ATP6V1G3: variants seen among roughly 807,000 people sequenced by gnomAD.
ATP6V1G3 encodes the protein V-type proton ATPase subunit G 3.
Under a neutral mutation model 9.3 loss-of-function variants are expected in ATP6V1G3, and 9 were observed. The observed-to-expected ratio is 0.97, with a 90% confidence interval of 0.59 to 1.69. The LOEUF (loss-of-function observed/expected upper bound fraction) is 1.69. Among genes scored for constraint, ATP6V1G3 ranks in the 40% most tolerant of loss-of-function variants. The pLI, the probability that ATP6V1G3 is intolerant of heterozygous loss-of-function variation, is 0.00. For missense variants in ATP6V1G3, 133 were observed against 139.0 expected (o/e 0.96, Z 0.22); for synonymous variants, 43 against 43.8 (o/e 0.98, Z 0.07).
rs1369465257 is a variant in ATP6V1G3, at chr1:198,523,408, A to G, written c.340T>C (p.Tyr114His). Residue 114 changes from tyrosine to histidine, a missense_variant, in exon 3 of 3, where the codon TAC (tyrosine) becomes CAC (histidine). Coordinates refer to ENST00000367382, the MANE Select transcript of ATP6V1G3 (RefSeq NM_001376861.1). ...ATGTACATTTAGTTGGTGGCTCTGT[A>G]GTTCACATGGATTTCTGGTTTCATG... is the stretch of plus-strand genomic sequence containing the variant. Reference protein sequence around the residue: ...CDMKPEIHVNYRATN With the variant: ...CDMKPEIHVNHRATN 1 of 1,612,984 alleles carries G rather than the reference A, an allele frequency of 6.2e-7. No individual in the cohort carries two copies.
chr1:198,528,632 G>A (rs34212295), intron 2 of ATP6V1G3, among the ~76,000 whole-genome samples: 1 of 151,998 alleles, frequency 6.6e-6, no homozygotes, highest in Non-Finnish European at 1.5e-5. Flanking sequence ...ATACCAGAAG[G>A]CTTTTCAGAA....
chr1:198,528,057 A>C (rs1659732584), intron 2 of ATP6V1G3, among the ~76,000 whole-genome samples: 1 of 152,120 alleles, frequency 6.6e-6, no homozygotes, highest in Non-Finnish European at 1.5e-5. Context: ...AACAGAACTA[A>C]TAGAGACTAG....
intron 1 of ATP6V1G3, among the ~76,000 whole-genome samples, chr1:198,538,369 G>A (rs567253738): frequency 2.0e-5 from 3 of 152,138 alleles, no homozygotes; most frequent in Non-Finnish European, 4.4e-5. Context: ...TTGAAGCCAG[G>A]TTGCCCTTAG....
At chr1:198,540,444 G>T (rs937083014) in intron 1 of ATP6V1G3, 125 bp downstream of exon 1, 7 of 868,918 alleles carry the variant, frequency 8.1e-6, no homozygotes, top group Non-Finnish European at 1.3e-5. Context: ...ATGGGTGAAG[G>T]TCTCACAGGG....
chr1:198,525,790 G>A (rs1162354491), intron 2 of ATP6V1G3, among the ~76,000 whole-genome samples: 1 of 152,102 alleles, frequency 6.6e-6, no homozygotes, highest in Non-Finnish European at 1.5e-5. Context: ...CACATGTGAA[G>A]TGGTCACCAT....
intron 2 of ATP6V1G3, among the ~76,000 whole-genome samples, chr1:198,527,548 T>C (rs1418464027): frequency 6.6e-6 from 1 of 152,112 alleles, no homozygotes; most frequent in Non-Finnish European, 1.5e-5. Flanking sequence ...CTATATAAGA[T>C]AATCAAAGCT....
At chr1:198,523,988 G>C (rs1258796370) in intron 2 of ATP6V1G3, among the ~76,000 whole-genome samples, 2 of 152,032 alleles carry the variant, frequency 1.3e-5, no homozygotes, top group African/African-American at 4.8e-5. Context: ...TTTTTAAAGA[G>C]TGTTTAAAAG....
intron 1 of ATP6V1G3, among the ~76,000 whole-genome samples, chr1:198,531,333 C>T (rs533645541): frequency 2.0e-5 from 3 of 152,292 alleles, no homozygotes; most frequent in South Asian, 4.1e-4. Flanking sequence ...ATGCACACTT[C>T]AAATCCACTC....
intron 1 of ATP6V1G3, among the ~76,000 whole-genome samples, chr1:198,538,109 T>C (rs923431535): frequency 1.5e-4 from 23 of 152,212 alleles, no homozygotes; most frequent in African/African-American, 4.6e-4. Flanking sequence ...TTTTCCAGAA[T>C]GTCTTTAAAG....
intron 1 of ATP6V1G3, among the ~76,000 whole-genome samples, chr1:198,530,008 G>A (rs191614920): frequency 2.6e-5 from 4 of 152,058 alleles, no homozygotes; most frequent in South Asian, 4.2e-4. Flanking sequence ...AGTTTGGGGG[G>A]GGTTACAGAC....
At chr1:198,529,522 G>A (rs894052197) in intron 1 of ATP6V1G3, among the ~76,000 whole-genome samples, 1 of 151,882 alleles carries the variant, frequency 6.6e-6, no homozygotes, top group Non-Finnish European at 1.5e-5. Flanking sequence ...TAATGCCAGA[G>A]AACAGATTTT....
At chr1:198,531,132 T>C (rs1474819014) in intron 1 of ATP6V1G3, among the ~76,000 whole-genome samples, 2 of 152,116 alleles carry the variant, frequency 1.3e-5, no homozygotes, top group Non-Finnish European at 2.9e-5. Flanking sequence ...TCCCTTGTCA[T>C]GGCACCAGTC....
chr1:198,529,736 C>T (rs192377482), intron 1 of ATP6V1G3, among the ~76,000 whole-genome samples: 82 of 152,158 alleles, frequency 5.4e-4, no homozygotes, highest in African/African-American at 1.9e-3. Context: ...CATTTGTTGA[C>T]TCTACAATGT....
Position 198,529,027 on chromosome 1 carries a change from A to ATATGAAGATCTTATC in ATP6V1G3, c.183+39_183+53dup, listed in dbSNP as rs1377493789. 3.4e-5 allele frequency: 28 copies of ATATGAAGATCTTATC among 823,044 alleles called. 1 individual carries two copies. In the South Asian group the frequency reaches 4.2e-4, roughly 12 times the overall value. 51.0% of individuals were successfully genotyped at this position (823,044 alleles called of 1,614,324 possible). ...CAATATCCTATATTAAACCTTATAA[A>ATATGAAGATCTTATC]TATGAAGATCTTATCTATTCTGCAT... On this transcript the variant is annotated intron_variant, in intron 2 of 2. Transcript: ENST00000367382.
chr1:198,530,284 G>A (rs1172500920), intron 1 of ATP6V1G3, among the ~76,000 whole-genome samples: 1 of 152,030 alleles, frequency 6.6e-6, no homozygotes, highest in African/African-American at 2.4e-5. Flanking sequence ...AAAGAATAAT[G>A]TGTTCTCAGG....
chr1:198,532,570 T>C (rs770129627), intron 1 of ATP6V1G3, among the ~76,000 whole-genome samples: 2 of 152,108 alleles, frequency 1.3e-5, no homozygotes, highest in Non-Finnish European at 2.9e-5. Flanking sequence ...GTATATAATA[T>C]GACAGGGATG....
chr1:198,538,961 C>T (rs80131729), intron 1 of ATP6V1G3, among the ~76,000 whole-genome samples: 2,713 of 151,722 alleles, frequency 0.018, 68 homozygotes, highest in African/African-American at 0.061. Flanking sequence ...TTCTCTATGC[C>T]GCTTCAACCA....
chr1:198,525,517 A>C (rs999902672), intron 2 of ATP6V1G3, among the ~76,000 whole-genome samples: 5 of 152,170 alleles, frequency 3.3e-5, no homozygotes, highest in Non-Finnish European at 5.9e-5. Context: ...AGTTGTGTCT[A>C]ACAAAAGTGT....
chr1:198,533,466 GGTAGA>G (rs988594112), intron 1 of ATP6V1G3, among the ~76,000 whole-genome samples: 25 of 152,180 alleles, frequency 1.6e-4, no homozygotes, highest in African/African-American at 5.1e-4. Context: ...GCAAGAAGAG[GGTAGA>G]TATATTTTGG....
Sources: allele counts gnomAD v4.1 joint callset (sites outside exome capture counted in the v4.1 genomes callset), GRCh38; gene constraint gnomAD v4.1.1; transcripts MANE v1.5; gene names NCBI Gene and HGNC (gene_info 2026-07-23, HGNC 2026-07-21).